The following SYNE1 variants were observed in gnomAD, a reference collection of about 807,000 sequenced individuals.
SYNE1 encodes the protein nesprin-1.
SYNE1 carries 616 observed loss-of-function variants against 1,111.0 expected under a neutral mutation model. The observed-to-expected ratio is 0.55, with a 90% CI of 0.52 to 0.59. SYNE1 has a LOEUF of 0.59. Among genes scored for constraint, SYNE1 ranks in the 20% least tolerant of loss-of-function variants. SYNE1 has a pLI of 0.00. For missense variants in SYNE1, 10,006 were observed against 10,417.0 expected (o/e 0.96, Z 1.72); for synonymous variants, 3,855 against 3,825.8 (o/e 1.01, Z -0.28).
intron 30 of SYNE1, 89 bp downstream of exon 30, chr6:152,444,322 A>G (rs1226994338): frequency 6.9e-7 from 1 of 1,450,152 alleles, no homozygotes; most frequent in Non-Finnish European, 9.6e-7. Context: ...CCACTCTCTC[A>G]AGCCAGTGGT....
intron 59 of SYNE1, among the ~76,000 whole-genome samples, chr6:152,370,035 T>C (rs1157239183): frequency 7.8e-6 from 1 of 128,380 alleles, no homozygotes; most frequent in Non-Finnish European, 1.6e-5. Context: ...CCAAGCCCGC[T>C]CCAAAGTCTG....
Position 152,202,791 on chromosome 6 carries a change from T to C in SYNE1, c.23020-842A>G, listed in dbSNP as rs189110722. On this transcript the variant is annotated intron_variant, in intron 126 of 145. Transcript: ENST00000367255. ...TAAGGGATTTAAAAAAAAAAGAGGATATGGCATGTCTTACAGAAAGAGAAA... is the reference window on the plus strand; with the variant it reads ...TAAGGGATTTAAAAAAAAAAGAGGACATGGCATGTCTTACAGAAAGAGAAA... Among the ~76,000 whole-genome samples, 254 of 152,170 alleles carry C rather than the reference T, an allele frequency of 1.7e-3. 2 individuals carry two copies. Among genetic ancestry groups the C allele is most frequent in the African/African-American group, 5.8e-3 (242 of 41,502 alleles).
chr6:152,277,909 A>G, intron 98 of SYNE1, 180 bp downstream of exon 98: 1 of 758,178 alleles, frequency 1.3e-6, no homozygotes, highest in Non-Finnish European at 2.3e-6. Flanking sequence ...ATCTATTTGC[A>G]AATGTTTGCC....
intron 77 of SYNE1, among the ~76,000 whole-genome samples, chr6:152,332,832 T>C (rs1390677360): frequency 6.6e-6 from 1 of 152,214 alleles, no homozygotes; most frequent in Non-Finnish European, 1.5e-5. Flanking sequence ...TTGTAGTCTT[T>C]TTTACTAAAT....
chr6:152,486,040 C>T (rs1196762540), intron 12 of SYNE1, among the ~76,000 whole-genome samples: 1 of 151,832 alleles, frequency 6.6e-6, no homozygotes, highest in Non-Finnish European at 1.5e-5. Context: ...ATTAAAAATA[C>T]AAAAATTAGC....
chr6:152,301,985 C>T lies in SYNE1; in HGVS notation c.17425G>A (p.Ala5809Thr). 6.2e-7 allele frequency: 1 copy of T among 1,614,280 alleles called. No individual in the cohort carries two copies. The highest frequency in any genetic ancestry group is 8.5e-7 in the Non-Finnish European group (1 of 1,180,050). The change falls in exon 92 of 146, where the codon GCC becomes ACC. Residue 5809 changes from alanine (A) to threonine (T), a missense_variant. By Grantham distance (58) the Ala-to-Thr change is moderately conservative. Transcript: ENST00000367255. ...NSKCKMLTMK[A>T]KHATMLLTVT... ...GTCAGCAGCATGGTGGCGTGCTTGG[C>T]TTTCATCGTCAGCATCTTGCACTTG... is the stretch of plus-strand genomic sequence containing the variant.
chr6:152,154,305 ATT>A (rs2060955921), intron 133 of SYNE1, among the ~76,000 whole-genome samples: 1 of 152,192 alleles, frequency 6.6e-6, no homozygotes, highest in African/African-American at 2.4e-5. Flanking sequence ...TATGAATATG[ATT>A]ACACTACAGC....
chr6:152,449,514 A>C lies in SYNE1; in HGVS notation c.3504+19T>G. 6.3e-7 allele frequency: 1 copy of C among 1,585,856 alleles called. No individual in the cohort carries two copies. The highest frequency in any genetic ancestry group is 8.7e-7 in the Non-Finnish European group (1 of 1,154,320). ...ACTATGAGAAATTTTCCTCTAGCAA[A>C]TAATGACCCTGAACTTACTTCAACG... is the stretch of plus-strand genomic sequence containing the variant. On this transcript the variant is annotated intron_variant, in intron 28 of 145. Transcript: ENST00000367255.
chr6:152,213,585 A>AC, intron 123 of SYNE1, 27 bp downstream of exon 123: 1 of 1,613,800 alleles, frequency 6.2e-7, no homozygotes, highest in Non-Finnish European at 8.5e-7. Flanking sequence ...ATTTCTTATT[A>AC]CCCCCAAATC....
chr6:152,629,359 C>G (rs897715940), intron 2 of SYNE1, among the ~76,000 whole-genome samples: 1 of 151,878 alleles, frequency 6.6e-6, no homozygotes, highest in Non-Finnish European at 1.5e-5. Context: ...CGTATACCAC[C>G]ACGCCTGGCT....
chr6:152,622,692 G>C (rs559913051), intron 3 of SYNE1, among the ~76,000 whole-genome samples: 1 of 152,126 alleles, frequency 6.6e-6, no homozygotes, highest in South Asian at 2.1e-4. Flanking sequence ...TTGATGCAAT[G>C]TCTTTACTAT....
intron 42 of SYNE1, among the ~76,000 whole-genome samples, chr6:152,411,370 CA>C (rs983111865): frequency 6.6e-6 from 1 of 151,932 alleles, no homozygotes; most frequent in Non-Finnish European, 1.5e-5. Flanking sequence ...TTTTAGGTAC[CA>C]GAGCTGCCAG....
intron 90 of SYNE1, 25 bp from the exon 91 acceptor site, chr6:152,308,657 A>G (rs766235612): frequency 1.3e-6 from 2 of 1,588,676 alleles, no homozygotes; most frequent in Admixed American, 3.7e-5. Flanking sequence ...AAAAACAGAA[A>G]GATAGACAGT....
At chr6:152,431,377 C>T (rs1298731344) in intron 34 of SYNE1, among the ~76,000 whole-genome samples, 1 of 152,148 alleles carries the variant, frequency 6.6e-6, no homozygotes, top group Non-Finnish European at 1.5e-5. Flanking sequence ...GACCTCATTG[C>T]TATGTACTTG....
intron 127 of SYNE1, among the ~76,000 whole-genome samples, chr6:152,195,548 C>A (rs184224897): frequency 1.3e-3 from 195 of 152,336 alleles, no homozygotes; most frequent in Non-Finnish European, 1.9e-3. Flanking sequence ...GTGGTTCTTG[C>A]AGACTGATAG....
chr6:152,213,242 C>A (rs1420870402), intron 123 of SYNE1, among the ~76,000 whole-genome samples: 1 of 152,184 alleles, frequency 6.6e-6, no homozygotes, highest in East Asian at 1.9e-4. Context: ...AAAGCATAGT[C>A]TCTTAAGCAA....
intron 33 of SYNE1, chr6:152,434,584 CCTAA>C (rs1260205676): frequency 1.3e-5 from 2 of 152,062 alleles, no homozygotes; most frequent in African/African-American, 2.4e-5. Context: ...ACATGAGCAC[CCTAA>C]CTACTTTTAG....
rs1032330548 is a variant in SYNE1 at position 152,284,089 on chromosome 6, A to G, written c.18096T>C (p.Ser6032=). 1.2e-6 allele frequency: 2 copies of G among 1,614,206 alleles called. No homozygotes were observed. Among genetic ancestry groups the G allele is most frequent in the African/African-American group, 1.3e-5 (1 of 75,058 alleles). Residue 6032 remains serine, a synonymous_variant, in exon 96 of 146, where the codon TCT becomes TCC. Transcript: ENST00000367255. ...GCTGCTCCGCAGGGTCGGCCTCACA[A>G]GACTCGGATACCAGCTCCTCTGCGA... ...SSLAEELVSE[S]CEADPAEQLA...
chr6:152,193,727 A>G (rs1171614957), intron 127 of SYNE1, among the ~76,000 whole-genome samples: 1 of 152,096 alleles, frequency 6.6e-6, no homozygotes, highest in African/African-American at 2.4e-5. Context: ...TATAGTTTAT[A>G]CAGGCCAGGC....
Sources: gnomAD v4.1 joint callset for allele counts (sites outside exome capture counted in the v4.1 genomes callset) on GRCh38, gnomAD v4.1.1 for gene constraint, MANE v1.5 for transcripts, NCBI Gene and HGNC (gene_info 2026-07-23, HGNC 2026-07-21) for gene names.